The following IQSEC1 variants were observed in gnomAD, a reference collection of about 807,000 sequenced individuals.
IQSEC1 encodes IQ motif and SEC7 domain-containing protein 1.
IQSEC1 carries 31 observed loss-of-function variants against 91.0 expected under a neutral mutation model. That is an observed-to-expected ratio of 0.34 (90% CI 0.26 to 0.46). The LOEUF is 0.46. Among genes scored for constraint, IQSEC1 ranks in the 20% least tolerant of loss-of-function variants. IQSEC1 has a pLI of 1.00. For missense variants in IQSEC1, 1,388 were observed against 1,575.6 expected, an observed-to-expected ratio of 0.88 and a Z score of 2.02; for synonymous variants, 699 against 662.6, an observed-to-expected ratio of 1.05 and a Z score of -0.84.
At chr3:12,904,201 C>G (rs1694708774) in intron 12 of IQSEC1, among the ~76,000 whole-genome samples, 2 of 152,240 alleles carry the variant, frequency 1.3e-5, no homozygotes, top group South Asian at 4.1e-4. Context: ...CTTGGCATGG[C>G]TTCGGCCTGG....
intron 2 of IQSEC1, among the ~76,000 whole-genome samples, chr3:13,149,418 G>A (rs1706952633): frequency 6.6e-6 from 1 of 151,994 alleles, no homozygotes; most frequent in Non-Finnish European, 1.5e-5. Flanking sequence ...GTGTGTCGTG[G>A]GGGCCGGGGT....
At chr3:13,172,596 A>C (rs555965453) in intron 1 of IQSEC1, among the ~76,000 whole-genome samples, 7 of 152,310 alleles carry the variant, frequency 4.6e-5, no homozygotes, top group African/African-American at 1.7e-4. Flanking sequence ...ACACTTCCCG[A>C]GGGCAGATGG....
chr3:13,172,734 G>T (rs1254036894), intron 1 of IQSEC1, among the ~76,000 whole-genome samples: 2 of 152,228 alleles, frequency 1.3e-5, no homozygotes, highest in African/African-American at 4.8e-5. Flanking sequence ...TGAGGTCACA[G>T]TGCTGGTGAG....
At chr3:13,142,684 A>T (rs1706821631) in intron 2 of IQSEC1, among the ~76,000 whole-genome samples, 1 of 152,270 alleles carries the variant, frequency 6.6e-6, no homozygotes, top group African/African-American at 2.4e-5. Flanking sequence ...AAACGTCAAC[A>T]GAACACCATT....
chr3:13,031,558 G>A (rs1412618500), intron 1 of IQSEC1, among the ~76,000 whole-genome samples: 4 of 152,204 alleles, frequency 2.6e-5, no homozygotes, highest in Non-Finnish European at 4.4e-5. Flanking sequence ...CCTTTAGAAC[G>A]GTGATCATCT....
intron 1 of IQSEC1, among the ~76,000 whole-genome samples, chr3:13,174,795 G>A (rs1298606574): frequency 6.6e-6 from 1 of 151,950 alleles, no homozygotes; most frequent in East Asian, 1.9e-4. Context: ...CGTCAAGCCA[G>A]CATCACCTGG....
At chr3:13,046,294 C>T (rs1213068118) in intron 1 of IQSEC1, among the ~76,000 whole-genome samples, 2 of 152,238 alleles carry the variant, frequency 1.3e-5, no homozygotes, top group Non-Finnish European at 2.9e-5. Context: ...TGCAGAGGAT[C>T]AGGTGACTGC....
intron 2 of IQSEC1, among the ~76,000 whole-genome samples, chr3:13,080,720 C>G (rs1705635255): frequency 6.6e-6 from 1 of 152,210 alleles, no homozygotes; most frequent in African/African-American, 2.4e-5. Flanking sequence ...AGTGCGCTCC[C>G]TCCCTGCCTC....
chr3:13,030,283 G>T (rs907335048), intron 1 of IQSEC1, among the ~76,000 whole-genome samples: 8 of 152,100 alleles, frequency 5.3e-5, no homozygotes, highest in Non-Finnish European at 2.9e-5. Context: ...TTTTAATAGA[G>T]ATGGAGTTTT....
Position 12,899,604 on chromosome 3 carries a change from G to C in IQSEC1, c.*1379C>G, listed in dbSNP as rs1244760711. On this transcript the variant is annotated 3_prime_UTR_variant, in exon 14 of 14. Transcript: ENST00000613206. The stretch of plus-strand genomic sequence containing the variant: ...TGGGAAGGCAGCGGGGGCTCCGCCG[G>C]GCACTCGTCGGCTGGGGTCACACGG... The C allele has an allele frequency of 2.0e-6, 2 of 985,304 alleles. No homozygotes were observed. The highest frequency in any genetic ancestry group is 1.7e-5 in the African/African-American group (1 of 57,244). 61.0% of individuals were successfully genotyped at this position (985,304 alleles called of 1,614,324 possible).
intron 1 of IQSEC1, among the ~76,000 whole-genome samples, chr3:13,170,352 G>A (rs535733648): frequency 8.3e-4 from 127 of 152,402 alleles, no homozygotes; most frequent in South Asian, 1.7e-3. Flanking sequence ...GAAGTTTGCT[G>A]TAGGGGCAGG....
chr3:12,901,106 G>A lies in IQSEC1; in HGVS notation c.3222C>T (p.His1074=), dbSNP rs752598509. Residue 1074 remains histidine (H), a synonymous_variant, in exon 14 of 14, where the codon CAC becomes CAT. Transcript: ENST00000613206. ...GGGCCGAGGGCAGCGGCGGGTGGCC[G>A]TGGGCATGGGCCCCGTAGGCTGGGT... ...GGHPAYGAHA[H]GHPPLPSAHV... 29 of 1,539,036 alleles carry A rather than the reference G, an allele frequency of 1.9e-5. No homozygotes were observed. Among genetic ancestry groups the A allele is most frequent in the South Asian group, 1.3e-4 (11 of 83,658 alleles).
intron 2 of IQSEC1, among the ~76,000 whole-genome samples, chr3:13,107,169 C>T (rs1428982731): frequency 2.0e-5 from 3 of 152,200 alleles, no homozygotes; most frequent in Admixed American, 2.0e-4. Flanking sequence ...GGCCTCCATC[C>T]ACTCCCGAGA....
intron 2 of IQSEC1, among the ~76,000 whole-genome samples, chr3:13,120,751 C>A (rs886434446): frequency 6.6e-6 from 1 of 152,186 alleles, no homozygotes; most frequent in African/African-American, 2.4e-5. Flanking sequence ...CACCTGCACA[C>A]CGGTACCCTC....
chr3:13,028,116 C>T (rs547123262), intron 1 of IQSEC1, among the ~76,000 whole-genome samples: 1 of 152,298 alleles, frequency 6.6e-6, no homozygotes, highest in South Asian at 2.1e-4. Context: ...TAATCCCAGA[C>T]TGGAAGTGAC....
chr3:13,157,855 T>C (rs568115064), intron 2 of IQSEC1, among the ~76,000 whole-genome samples: 83 of 152,220 alleles, frequency 5.5e-4, no homozygotes, highest in Non-Finnish European at 1.1e-3. Flanking sequence ...CTATGCCTCA[T>C]TTAATTGGTC....
chr3:13,112,218 C>A (rs1421168233), intron 2 of IQSEC1, among the ~76,000 whole-genome samples: 1 of 152,214 alleles, frequency 6.6e-6, no homozygotes. Context: ...GGCCCCTGCT[C>A]TAAGTTCAAC....
chr3:13,016,476 T>C (rs2124944237), intron 1 of IQSEC1, among the ~76,000 whole-genome samples: 1 of 152,270 alleles, frequency 6.6e-6, no homozygotes, highest in Admixed American at 6.5e-5. Context: ...ACAGCAATGT[T>C]ACCCAGCCGT....
intron 1 of IQSEC1, among the ~76,000 whole-genome samples, chr3:12,962,808 G>T (rs932577753): frequency 6.6e-6 from 1 of 152,240 alleles, no homozygotes; most frequent in Non-Finnish European, 1.5e-5. Context: ...CAGCTCTTGG[G>T]TTCTGTGGGG....
Sources: gnomAD v4.1 joint callset for allele counts (sites outside exome capture counted in the v4.1 genomes callset) on GRCh38, gnomAD v4.1.1 for gene constraint, MANE v1.5 for transcripts, NCBI Gene and HGNC (gene_info 2026-07-23, HGNC 2026-07-21) for gene names.